FAF1: variants seen among roughly 807,000 people sequenced by gnomAD.
The protein encoded by FAF1 is Fas associated factor 1, also known as FAS-associated factor 1.
FAF1 carries 25 observed loss-of-function variants against 92.5 expected under a neutral mutation model. The ratio of observed to expected loss-of-function variants is 0.27; its 90% CI spans 0.20 to 0.38. FAF1 has a LOEUF of 0.38. Ranked by LOEUF, FAF1 falls within the 10% of genes least tolerant of loss-of-function variation. The pLI, the probability that FAF1 is intolerant of heterozygous loss-of-function variation, is 1.00. For synonymous variants in FAF1, 234 were observed against 273.2 expected, an observed-to-expected ratio of 0.86 and a Z score of 1.42; for missense variants, 636 against 793.3, an observed-to-expected ratio of 0.80 and a Z score of 2.38.
At chr1:50,814,442 T>C (rs1232872638) in intron 2 of FAF1, among the ~76,000 whole-genome samples, 2 of 151,780 alleles carry the variant, frequency 1.3e-5, no homozygotes, top group Non-Finnish European at 2.9e-5. Context: ...TACAATAAAA[T>C]AAAAAACAAA....
chr1:50,905,316 T>C (rs1644827720), intron 1 of FAF1, among the ~76,000 whole-genome samples: 1 of 152,194 alleles, frequency 6.6e-6, no homozygotes, highest in African/African-American at 2.4e-5. Flanking sequence ...TTCCAAGTCT[T>C]TGCTATTGTG....
Position 50,960,223 on chromosome 1 carries a change from C to T in FAF1, c.-412G>A. On this transcript the variant is annotated 5_prime_UTR_variant, in exon 1 of 19. Transcript: ENST00000396153. Reference sequence around the variant, plus strand: ...GGGCGGGCGAACGCCGCGGCCGCCTCCGCCTCCTCCGCTTCCTCCCTGGCC... The same window carrying T: ...GGGCGGGCGAACGCCGCGGCCGCCTTCGCCTCCTCCGCTTCCTCCCTGGCC... The T allele has an allele frequency of 3.0e-6, 1 of 332,586 alleles. No individual in the cohort carries two copies. The highest frequency in any genetic ancestry group is 4.2e-5 in the East Asian group (1 of 23,824). 20.6% of individuals were successfully genotyped at this position (332,586 alleles called of 1,614,324 possible). A position where few individuals can be genotyped will look rare whatever the true frequency, so the allele number is the denominator to read the frequency against.
chr1:50,830,084 T>A (rs1644138500), intron 2 of FAF1, among the ~76,000 whole-genome samples: 1 of 152,144 alleles, frequency 6.6e-6, no homozygotes, highest in South Asian at 2.1e-4. Context: ...ACCCCCAAGG[T>A]ATCATTCTTG....
chr1:50,659,742 T>C (rs1557461000), intron 7 of FAF1, among the ~76,000 whole-genome samples: 2 of 152,360 alleles, frequency 1.3e-5, no homozygotes, highest in Non-Finnish European at 2.9e-5. Flanking sequence ...TTACAAACTA[T>C]ACTGTATTTG....
At chr1:50,729,216 C>A (rs1281286332) in intron 6 of FAF1, among the ~76,000 whole-genome samples, 2 of 151,286 alleles carry the variant, frequency 1.3e-5, no homozygotes, top group Admixed American at 1.3e-4. Context: ...CCACCATACC[C>A]GGCTTATTTT....
At chr1:50,918,225 G>T (rs921008424) in intron 1 of FAF1, among the ~76,000 whole-genome samples, 1 of 135,992 alleles carries the variant, frequency 7.4e-6, no homozygotes, top group African/African-American at 2.8e-5. Flanking sequence ...AAGTTTTAGG[G>T]TACATGTGCA....
intron 13 of FAF1, among the ~76,000 whole-genome samples, chr1:50,539,948 T>C (rs930362417): frequency 6.6e-6 from 1 of 152,104 alleles, no homozygotes; most frequent in South Asian, 2.1e-4. Context: ...AAATGCTGTC[T>C]GGGGCTGACA....
intron 7 of FAF1, among the ~76,000 whole-genome samples, chr1:50,690,750 C>T (rs1182491498): frequency 6.6e-6 from 1 of 152,126 alleles, no homozygotes; most frequent in East Asian, 1.9e-4. Context: ...CCAATAGCAA[C>T]CATTAACTAT....
intron 3 of FAF1, among the ~76,000 whole-genome samples, chr1:50,791,509 G>A (rs1389854906): frequency 1.3e-5 from 2 of 152,168 alleles, no homozygotes; most frequent in Non-Finnish European, 2.9e-5. Context: ...TAGTAAAGAG[G>A]GGAGGAGAGA....
chr1:50,858,514 G>A (rs1644407982), intron 1 of FAF1, among the ~76,000 whole-genome samples: 1 of 151,774 alleles, frequency 6.6e-6, no homozygotes, highest in Admixed American at 6.6e-5. Flanking sequence ...TGGCTCAACT[G>A]AGTTAAGATG....
intron 8 of FAF1, among the ~76,000 whole-genome samples, chr1:50,614,580 C>T (rs558149575): frequency 1.3e-5 from 2 of 152,244 alleles, no homozygotes; most frequent in East Asian, 1.9e-4. Flanking sequence ...TAGCTCACAC[C>T]TGTAATCCCA....
At chr1:50,554,482 G>T (rs1160342038) in intron 13 of FAF1, among the ~76,000 whole-genome samples, 2 of 148,610 alleles carry the variant, frequency 1.3e-5, no homozygotes, top group Non-Finnish European at 3.0e-5. Context: ...TTAATTAATG[G>T]TTGTAGTTGT....
intron 6 of FAF1, among the ~76,000 whole-genome samples, chr1:50,714,019 C>T (rs528119634): frequency 3.0e-4 from 46 of 151,668 alleles, no homozygotes; most frequent in African/African-American, 1.1e-3. Flanking sequence ...GATCCACCCG[C>T]CTCTGCCTCC....
intron 12 of FAF1, among the ~76,000 whole-genome samples, chr1:50,575,134 T>C (rs1271543092): frequency 2.0e-5 from 3 of 152,124 alleles, no homozygotes. Context: ...GATCTTGATC[T>C]CTTGACCTCG....
chr1:50,801,215 T>C (rs962581290), intron 3 of FAF1, among the ~76,000 whole-genome samples: 1 of 152,202 alleles, frequency 6.6e-6, no homozygotes, highest in African/African-American at 2.4e-5. Context: ...ATCATATACT[T>C]GATTTAGAAC....
chr1:50,596,363 T>C lies in FAF1; in HGVS notation c.745-147A>G, dbSNP rs998491184. ...TGGGTATTACATTACCAGGAAGGCTTTGAAAATTTGAAATTTTTCCACACA... is the reference window on the plus strand; with the variant it reads ...TGGGTATTACATTACCAGGAAGGCTCTGAAAATTTGAAATTTTTCCACACA... On this transcript the variant is annotated intron_variant, in intron 8 of 18. Transcript: ENST00000396153. The C allele has an allele frequency of 9.9e-6, 6 of 606,980 alleles. No homozygotes were observed. In the Admixed American group the frequency reaches 1.9e-4, roughly 19 times the overall value. 37.6% of individuals were successfully genotyped at this position (606,980 alleles called of 1,614,324 possible).
intron 15 of FAF1, among the ~76,000 whole-genome samples, chr1:50,502,771 G>T (rs1647008137): frequency 6.6e-6 from 1 of 152,098 alleles, no homozygotes; most frequent in Non-Finnish European, 1.5e-5. Flanking sequence ...TACTCAGAAA[G>T]AAAAATACAA....
intron 6 of FAF1, among the ~76,000 whole-genome samples, chr1:50,721,695 C>A (rs1026172524): frequency 2.0e-4 from 30 of 152,126 alleles, no homozygotes; most frequent in African/African-American, 7.0e-4. Flanking sequence ...ACAATCTCAG[C>A]TCATAACAAC....
chr1:50,726,507 T>C (rs892552708), intron 6 of FAF1, among the ~76,000 whole-genome samples: 8 of 152,058 alleles, frequency 5.3e-5, no homozygotes, highest in Non-Finnish European at 1.2e-4. Context: ...CCATCCTGGC[T>C]AACACGGTGA....
Sources: allele counts gnomAD v4.1 joint callset (sites outside exome capture counted in the v4.1 genomes callset), GRCh38; gene constraint gnomAD v4.1.1; transcripts MANE v1.5; gene names NCBI Gene and HGNC (gene_info 2026-07-23, HGNC 2026-07-21).